PHLPP2: variants seen among roughly 807,000 people sequenced by gnomAD.
PHLPP2 encodes the protein PH domain leucine-rich repeat-containing protein phosphatase 2.
In PHLPP2, 66 loss-of-function variants were observed where a neutral mutation model predicts 124.9. The ratio of observed to expected loss-of-function variants is 0.53; its 90% CI spans 0.43 to 0.65. PHLPP2 has a LOEUF of 0.65. PHLPP2 is among the 30% of genes least tolerant of loss of function. PHLPP2 has a pLI of 0.00. For missense variants in PHLPP2, 1,685 were observed against 1,600.4 expected, an observed-to-expected ratio of 1.05 and a Z score of -0.90; for synonymous variants, 681 against 624.7, an observed-to-expected ratio of 1.09 and a Z score of -1.34.
intron 3 of PHLPP2, among the ~76,000 whole-genome samples, chr16:71,699,549 A>C (rs896376455): frequency 6.6e-6 from 1 of 152,172 alleles, no homozygotes; most frequent in African/African-American, 2.4e-5. Context: ...TTCATCATTC[A>C]ATAAAATTCT....
chr16:71,701,418 CTT>C (rs1229053790), intron 3 of PHLPP2, among the ~76,000 whole-genome samples: 1 of 152,116 alleles, frequency 6.6e-6, no homozygotes, highest in East Asian at 1.9e-4. Context: ...TCATCCCAAA[CTT>C]AATTTCCTCA....
chr16:71,682,996 C>G (rs989840743), intron 5 of PHLPP2, among the ~76,000 whole-genome samples: 1 of 152,094 alleles, frequency 6.6e-6, no homozygotes, highest in Non-Finnish European at 1.5e-5. Flanking sequence ...CATGGTGAAA[C>G]CCTGTCTCTA....
At chr16:71,707,701 T>C (rs2045287619) in intron 2 of PHLPP2, among the ~76,000 whole-genome samples, 1 of 152,196 alleles carries the variant, frequency 6.6e-6, no homozygotes, top group Admixed American at 6.5e-5. Context: ...AAGTTCTGTA[T>C]TTGGGACTCT....
intron 10 of PHLPP2, 77 bp downstream of exon 10, chr16:71,672,185 C>A: frequency 9.9e-7 from 1 of 1,007,948 alleles, no homozygotes; most frequent in Non-Finnish European, 1.5e-6. Context: ...ATTTCTTGTA[C>A]ATCAAAACTG....
intron 1 of PHLPP2, among the ~76,000 whole-genome samples, chr16:71,722,748 C>T (rs2045406387): frequency 1.3e-5 from 2 of 152,188 alleles, no homozygotes. Context: ...ATGTAGAACT[C>T]TAGAAGGAAT....
At chr16:71,701,658 C>A (rs1289922463) in intron 3 of PHLPP2, among the ~76,000 whole-genome samples, 1 of 152,114 alleles carries the variant, frequency 6.6e-6, no homozygotes, top group Non-Finnish European at 1.5e-5. Context: ...AAGAAAGGTT[C>A]AACTTTCATT....
intron 3 of PHLPP2, among the ~76,000 whole-genome samples, chr16:71,693,051 G>A (rs373625118): frequency 1.3e-5 from 2 of 152,182 alleles, no homozygotes; most frequent in East Asian, 3.9e-4. Context: ...AGCACTTTGG[G>A]AGGCTGAGGC....
At chr16:71,676,334 G>A (rs2044944867) in intron 9 of PHLPP2, 113 bp downstream of exon 9, 2 of 748,562 alleles carry the variant, frequency 2.7e-6, no homozygotes, top group Non-Finnish European at 4.5e-6. Flanking sequence ...GCCTCAATGA[G>A]CCACAAACCC....
At position 71,649,473 on chromosome 16, in the gene PHLPP2, T is replaced by C. The variant is rs1425818996; in HGVS notation, c.3389A>G (p.Gln1130Arg). The change falls in exon 19 of 19, where the codon CAG becomes CGG. Residue 1130 changes from glutamine to arginine, a missense_variant. Coordinates refer to ENST00000568954, the MANE Select transcript of PHLPP2 (RefSeq NM_015020.3). ...LHPTPTSGLFQRQPSSATFSS... is the reference protein window; with the variant it reads ...LHPTPTSGLFRRQPSSATFSS... ...GAAGGTAGCAGAAGAAGGCTGGCGCTGAAACAGCCCAGAGGTGGGTGTTGG... is the reference window on the plus strand; with the variant it reads ...GAAGGTAGCAGAAGAAGGCTGGCGCCGAAACAGCCCAGAGGTGGGTGTTGG... The C allele has an allele frequency of 6.2e-7, 1 of 1,613,996 alleles. No homozygotes were observed. Among genetic ancestry groups the C allele is most frequent in the Non-Finnish European group, 8.5e-7 (1 of 1,180,026 alleles).
intron 1 of PHLPP2, among the ~76,000 whole-genome samples, chr16:71,719,071 T>A (rs1437554964): frequency 6.6e-6 from 1 of 152,214 alleles, no homozygotes; most frequent in Non-Finnish European, 1.5e-5. Flanking sequence ...GACACGGTCC[T>A]CTGAGGTGCT....
At chr16:71,714,904 C>G in intron 1 of PHLPP2, 103 bp from the exon 2 acceptor site, 5 of 1,399,800 alleles carry the variant, frequency 3.6e-6, no homozygotes, top group Non-Finnish European at 4.8e-6. Flanking sequence ...CCCCAACATT[C>G]TGCTCAAGTA....
At chr16:71,716,537 G>A (rs888179764) in intron 1 of PHLPP2, among the ~76,000 whole-genome samples, 4 of 152,082 alleles carry the variant, frequency 2.6e-5, no homozygotes, top group Non-Finnish European at 5.9e-5. Context: ...TTTATGATGG[G>A]CTATTTCTGT....
chr16:71,668,558 T>C (rs1469485522), intron 11 of PHLPP2, among the ~76,000 whole-genome samples: 1 of 151,998 alleles, frequency 6.6e-6, no homozygotes, highest in Non-Finnish European at 1.5e-5. Flanking sequence ...GCCCAGGAGT[T>C]TGAGACCAGT....
chr16:71,681,585 G>A (rs2044998872), intron 6 of PHLPP2, among the ~76,000 whole-genome samples, 166 bp downstream of exon 6: 1 of 152,126 alleles, frequency 6.6e-6, no homozygotes, highest in African/African-American at 2.4e-5. Flanking sequence ...TGTTTTATGG[G>A]GGGAAAGGGC....
chr16:71,694,594 A>C (rs2045150050), intron 3 of PHLPP2, among the ~76,000 whole-genome samples: 1 of 152,226 alleles, frequency 6.6e-6, no homozygotes, highest in South Asian at 2.1e-4. Context: ...TATAGTACCC[A>C]AAAGATATAT....
chr16:71,661,279 C>T (rs1294568933), intron 13 of PHLPP2, among the ~76,000 whole-genome samples: 1 of 152,026 alleles, frequency 6.6e-6, no homozygotes, highest in Non-Finnish European at 1.5e-5. Context: ...CCATGTTGCC[C>T]AGGCTGGTCT....
chr16:71,679,257 G>A, intron 7 of PHLPP2, 132 bp downstream of exon 7: 1 of 793,660 alleles, frequency 1.3e-6, no homozygotes. Context: ...GTCAAAAACT[G>A]CTGCTGACTA....
chr16:71,722,741 T>G (rs903959414), intron 1 of PHLPP2, among the ~76,000 whole-genome samples: 1 of 152,226 alleles, frequency 6.6e-6, no homozygotes, highest in South Asian at 2.1e-4. Flanking sequence ...ATTCCTCATG[T>G]AGAACTCTAG....
intron 2 of PHLPP2, among the ~76,000 whole-genome samples, chr16:71,709,052 AT>A (rs1216540816): frequency 1.3e-5 from 2 of 152,192 alleles, no homozygotes; most frequent in Admixed American, 1.3e-4. Flanking sequence ...ATATATGCTG[AT>A]TTCAGAAGTT....
Sources: gnomAD v4.1 joint callset for allele counts (sites outside exome capture counted in the v4.1 genomes callset) on GRCh38, gnomAD v4.1.1 for gene constraint, MANE v1.5 for transcripts, NCBI Gene and HGNC (gene_info 2026-07-23, HGNC 2026-07-21) for gene names.